The following CDK14 variants were observed in gnomAD, a reference collection of about 807,000 sequenced individuals.
The protein encoded by CDK14 is cyclin-dependent kinase 14.
CDK14 carries 34 observed loss-of-function variants against 60.7 expected under a neutral mutation model. That is an observed-to-expected ratio of 0.56 (90% CI 0.43 to 0.75). The LOEUF (loss-of-function observed/expected upper bound fraction) is 0.75, where lower values mean the gene tolerates loss of function less well. Ranked by LOEUF, CDK14 falls within the 30% of genes least tolerant of loss-of-function variation. The pLI, the probability that CDK14 is intolerant of heterozygous loss-of-function variation, is 0.00. For synonymous variants in CDK14, 197 were observed against 203.7 expected, an observed-to-expected ratio of 0.97 and a Z score of 0.28; for missense variants, 482 against 564.1, an observed-to-expected ratio of 0.85 and a Z score of 1.47.
chr7:90,656,943 A>G (rs1800764837), intron 2 of CDK14, among the ~76,000 whole-genome samples: 1 of 152,236 alleles, frequency 6.6e-6, no homozygotes, highest in Non-Finnish European at 1.5e-5. Flanking sequence ...AATATGACAC[A>G]TCTCACTGCC....
At chr7:90,755,355 A>G (rs1804013152) in intron 4 of CDK14, among the ~76,000 whole-genome samples, 1 of 152,216 alleles carries the variant, frequency 6.6e-6, no homozygotes, top group Admixed American at 6.5e-5. Flanking sequence ...AAGTGAATTA[A>G]CACAGGAACA....
chr7:91,201,510 A>T (rs942972862), intron 14 of CDK14, among the ~76,000 whole-genome samples: 1 of 151,804 alleles, frequency 6.6e-6, no homozygotes, highest in Admixed American at 6.6e-5. Flanking sequence ...GAGTACTTTG[A>T]GGAAGGGCAA....
intron 10 of CDK14, among the ~76,000 whole-genome samples, chr7:91,010,757 T>C (rs1039070525): frequency 6.7e-6 from 1 of 149,238 alleles, no homozygotes; most frequent in Non-Finnish European, 1.5e-5. Context: ...TCCTTCCTTC[T>C]TTCTTTCCTT....
chr7:90,856,715 G>T (rs1026601705), intron 5 of CDK14, among the ~76,000 whole-genome samples: 1 of 152,096 alleles, frequency 6.6e-6, no homozygotes, highest in Non-Finnish European at 1.5e-5. Flanking sequence ...AGACTCCACT[G>T]GCAAGTAAGG....
intron 2 of CDK14, among the ~76,000 whole-genome samples, chr7:90,680,216 G>C: frequency 6.6e-6 from 1 of 152,062 alleles, no homozygotes; most frequent in East Asian, 1.9e-4. Context: ...TGAAATATTA[G>C]CTCAGCTAAT....
chr7:91,002,567 A>T (rs191162687), intron 10 of CDK14, among the ~76,000 whole-genome samples: 3 of 152,316 alleles, frequency 2.0e-5, no homozygotes, highest in South Asian at 2.1e-4. Context: ...CAACTCAACC[A>T]ATATGTATTG....
intron 4 of CDK14, among the ~76,000 whole-genome samples, chr7:90,790,000 T>C (rs1805759726): frequency 6.6e-6 from 1 of 152,060 alleles, no homozygotes; most frequent in Non-Finnish European, 1.5e-5. Flanking sequence ...ATTCATAACT[T>C]TTTTGATGAC....
intron 10 of CDK14, among the ~76,000 whole-genome samples, chr7:91,035,477 A>G (rs1369268361): frequency 5.3e-5 from 8 of 152,082 alleles, no homozygotes; most frequent in African/African-American, 1.4e-4. Context: ...CCCATTCACA[A>G]TGTAGCACTT....
intron 11 of CDK14, among the ~76,000 whole-genome samples, chr7:91,064,205 A>G (rs943901632): frequency 2.6e-5 from 4 of 152,178 alleles, no homozygotes; most frequent in African/African-American, 9.7e-5. Context: ...GTTCTTATGC[A>G]TGTTTTTCGT....
At chr7:90,859,399 A>G (rs1366050039) in intron 5 of CDK14, among the ~76,000 whole-genome samples, 1 of 152,220 alleles carries the variant, frequency 6.6e-6, no homozygotes, top group African/African-American at 2.4e-5. Flanking sequence ...GTGTACTACT[A>G]AGTCCTAAGT....
At chr7:90,813,260 C>T (rs1467067914) in intron 5 of CDK14, among the ~76,000 whole-genome samples, 1 of 152,102 alleles carries the variant, frequency 6.6e-6, no homozygotes, top group African/African-American at 2.4e-5. Flanking sequence ...GAAAAAGTTG[C>T]CTGGGACGAG....
chr7:90,900,698 G>C (rs766482476), intron 7 of CDK14, among the ~76,000 whole-genome samples: 46 of 152,260 alleles, frequency 3.0e-4, no homozygotes, highest in Non-Finnish European at 5.1e-4. Context: ...AAGTCTACCA[G>C]CCACAGTGGA....
chr7:91,175,375 C>T (rs1343147403), intron 14 of CDK14, among the ~76,000 whole-genome samples: 5 of 152,068 alleles, frequency 3.3e-5, no homozygotes, highest in African/African-American at 7.2e-5. Context: ...TAAAGACCAT[C>T]GAGACTAGGA....
chr7:90,785,842 A>G (rs1805559090), intron 4 of CDK14, among the ~76,000 whole-genome samples: 1 of 152,052 alleles, frequency 6.6e-6, no homozygotes, highest in African/African-American at 2.4e-5. Context: ...CTCCCACAAG[A>G]AAATTTTATA....
chr7:90,847,524 A>T (rs181346807), intron 5 of CDK14, among the ~76,000 whole-genome samples: 1 of 152,136 alleles, frequency 6.6e-6, no homozygotes, highest in African/African-American at 2.4e-5. Flanking sequence ...TTTCTTCCAC[A>T]TGGGTAATTT....
intron 11 of CDK14, among the ~76,000 whole-genome samples, chr7:91,067,723 A>G (rs568666853): frequency 2.0e-5 from 3 of 152,184 alleles, no homozygotes; most frequent in African/African-American, 4.8e-5. Flanking sequence ...TTCACTATCA[A>G]TTTAGTCTCT....
At chr7:91,097,708 G>A (rs568605140) in intron 12 of CDK14, among the ~76,000 whole-genome samples, 4 of 152,254 alleles carry the variant, frequency 2.6e-5, no homozygotes, top group South Asian at 2.1e-4. Flanking sequence ...CTGAGGCTAC[G>A]TTGCTCCTCC....
chr7:90,814,474 A>C (rs939834170), intron 5 of CDK14, among the ~76,000 whole-genome samples: 2 of 152,152 alleles, frequency 1.3e-5, no homozygotes, highest in African/African-American at 4.8e-5. Flanking sequence ...CAATATGAGC[A>C]AAAAACAAAA....
intron 6 of CDK14, among the ~76,000 whole-genome samples, chr7:90,895,778 A>G (rs935537373): frequency 1.5e-4 from 17 of 113,926 alleles, no homozygotes; most frequent in Admixed American, 6.0e-4. Context: ...GTTTTGCCAT[A>G]TTGCTCAGGC....
Sources: gnomAD v4.1 joint callset for allele counts (sites outside exome capture counted in the v4.1 genomes callset) on GRCh38, gnomAD v4.1.1 for gene constraint, MANE v1.5 for transcripts, NCBI Gene and HGNC (gene_info 2026-07-23, HGNC 2026-07-21) for gene names.